Variants in MIR2052HG observed in about 807,000 individuals in gnomAD.
MIR2052HG encodes the protein MIR2052 host gene.
chr8:74,750,163 G>C (rs1453782518), intron 4 of MIR2052HG, among the ~76,000 whole-genome samples: 1 of 152,264 alleles, frequency 6.6e-6, no homozygotes, highest in Non-Finnish European at 1.5e-5. Flanking sequence ...ACAAATTACT[G>C]TCTGATCATT....
Position 74,655,405 on chromosome 8 carries a change from G to T in MIR2052HG, n.216+42465G>T, listed in dbSNP as rs182777859. On this transcript the variant is annotated intron_variant and non_coding_transcript_variant, in intron 2 of 6. Transcript: ENST00000523442. ...GCCTAGGAGGTAAAAATGGTTTTGG[G>T]GACCTGGCCCAGGGTCCCCATGCTG... Among the ~76,000 whole-genome samples the T allele has an allele frequency of 2.4e-3, 360 of 152,214 alleles. 3 individuals are homozygous for T. Among genetic ancestry groups the T allele is most frequent in the African/African-American group, 8.4e-3 (347 of 41,534 alleles).
At position 74,739,887 on chromosome 8, in the gene MIR2052HG, G is replaced by A. The variant is rs190547896; in HGVS notation, n.372-12554G>A. 1.2e-3 allele frequency among the ~76,000 whole-genome samples: 186 copies of A among 152,208 alleles called. 1 individual carries two copies. The highest frequency in any genetic ancestry group is 4.0e-3 in the African/African-American group (166 of 41,528). ...CTATTTATCTAAAAATGTTCAGGGA[G>A]GGGAATAGTATGAGATCAGCAGGTT... On this transcript the variant is annotated intron_variant and non_coding_transcript_variant, in intron 4 of 6. Transcript: ENST00000523442.
intron 2 of MIR2052HG, among the ~76,000 whole-genome samples, chr8:74,688,282 T>C (rs1436057313): frequency 1.3e-5 from 2 of 152,254 alleles, no homozygotes; most frequent in African/African-American, 4.8e-5. Context: ...ATATTACTTT[T>C]GTATATATTG....
chr8:74,645,434 T>A (rs984695149), intron 2 of MIR2052HG, among the ~76,000 whole-genome samples: 1 of 152,116 alleles, frequency 6.6e-6, no homozygotes, highest in African/African-American at 2.4e-5. Flanking sequence ...TACAGGCATG[T>A]GCCACCACAC....
At chr8:74,695,679 A>G (rs769204963) in intron 2 of MIR2052HG, among the ~76,000 whole-genome samples, 21 of 152,142 alleles carry the variant, frequency 1.4e-4, no homozygotes, top group Non-Finnish European at 2.5e-4. Flanking sequence ...TCAGAAAAAA[A>G]AAACTTTAAA....
chr8:74,642,600 G>T (rs1487806046), intron 2 of MIR2052HG, among the ~76,000 whole-genome samples: 1 of 152,106 alleles, frequency 6.6e-6, no homozygotes, highest in Non-Finnish European at 1.5e-5. Flanking sequence ...TTATATATTT[G>T]CTAACTGTTG....
intron 2 of MIR2052HG, among the ~76,000 whole-genome samples, chr8:74,692,430 G>A (rs2128740030): frequency 6.6e-6 from 1 of 152,322 alleles, no homozygotes; most frequent in Middle Eastern, 3.4e-3. Context: ...GTTAATAGTA[G>A]TAAGAACAAA....
chr8:74,685,043 T>TA (rs1809165648), intron 2 of MIR2052HG, among the ~76,000 whole-genome samples: 2 of 152,074 alleles, frequency 1.3e-5, no homozygotes, highest in Admixed American at 1.3e-4. Context: ...TCTTTGCCTG[T>TA]AAAATGAGGA....
At chr8:74,650,996 C>G (rs1563523037) in intron 2 of MIR2052HG, among the ~76,000 whole-genome samples, 1 of 152,124 alleles carries the variant, frequency 6.6e-6, no homozygotes. Context: ...TTATTGCACT[C>G]TGTGTCATCT....
chr8:74,615,315 G>A (rs1808264206), intron 2 of MIR2052HG, among the ~76,000 whole-genome samples: 2 of 152,184 alleles, frequency 1.3e-5, no homozygotes, highest in African/African-American at 4.8e-5. Context: ...GTCATCCTGA[G>A]AGTAGCTCAT....
rs1808068114 is a variant in MIR2052HG, at chr8:74,603,981, G to C, written n.128+4073G>C. 11 of 962,438 alleles carry C rather than the reference G, an allele frequency of 1.1e-5. No individual in the cohort carries two copies. In the South Asian group the frequency reaches 1.4e-4, roughly 12 times the overall value. The allele number at this position is 962,438 out of a possible 1,614,324, so 59.6% of individuals were successfully genotyped here. On this transcript the variant is annotated intron_variant and non_coding_transcript_variant, in intron 1 of 6. Coordinates refer to ENST00000523442, the Ensembl canonical transcript of MIR2052HG. ...GGGGTCTAGTGGCAGCTGTGCTACT[G>C]GTCATAGAGCTGCTTATGTCCTCTT... is the stretch of plus-strand genomic sequence containing the variant.
At chr8:74,716,640 G>T (rs1382851110) in intron 4 of MIR2052HG, among the ~76,000 whole-genome samples, 1 of 152,104 alleles carries the variant, frequency 6.6e-6, no homozygotes, top group Non-Finnish European at 1.5e-5. Flanking sequence ...AACCTGGGAG[G>T]TGGAGGTTGC....
chr8:74,607,174 C>T (rs1448544754), intron 1 of MIR2052HG, among the ~76,000 whole-genome samples: 1 of 150,686 alleles, frequency 6.6e-6, no homozygotes, highest in Non-Finnish European at 1.5e-5. Flanking sequence ...GCTGGAGTGG[C>T]TATATTAATA....
At chr8:74,677,113 T>G (rs1338402891) in intron 2 of MIR2052HG, among the ~76,000 whole-genome samples, 1 of 151,954 alleles carries the variant, frequency 6.6e-6, no homozygotes, top group African/African-American at 2.4e-5. Flanking sequence ...AAAAGATGAT[T>G]AAATAATGTT....
At position 74,646,811 on chromosome 8, in the gene MIR2052HG, C is replaced by T. The variant is rs113338005; in HGVS notation, n.216+33871C>T. 1.5e-3 allele frequency among the ~76,000 whole-genome samples: 234 copies of T among 152,126 alleles called. 1 individual carries two copies. Among genetic ancestry groups the T allele is most frequent in the Non-Finnish European group, 2.0e-3 (133 of 67,998 alleles). Reference sequence around the variant, plus strand: ...GGTGTGCTGGTACATTCCTGAATCCCCAGCTCCCCAGGAGGCTGAGGTGGG... The same window carrying T: ...GGTGTGCTGGTACATTCCTGAATCCTCAGCTCCCCAGGAGGCTGAGGTGGG... On this transcript the variant is annotated intron_variant and non_coding_transcript_variant, in intron 2 of 6. Coordinates refer to ENST00000523442, the Ensembl canonical transcript of MIR2052HG.
In MIR2052HG at chr8:74,609,100, G is replaced by A. The variant is rs1808153783; in HGVS notation, n.129-3753G>A. On this transcript the variant is annotated intron_variant and non_coding_transcript_variant, in intron 1 of 6. Coordinates refer to ENST00000523442, the Ensembl canonical transcript of MIR2052HG. ...GTAAATATGCAAATTACCAGTGTCA[G>A]GAATAAGATATGTGACATCACTAAA... is the stretch of plus-strand genomic sequence containing the variant. 4.6e-5 allele frequency among the ~76,000 whole-genome samples: 7 copies of A among 152,026 alleles called. No individual in the cohort carries two copies. The South Asian group carries it at 1.5e-3, about 32-fold the overall frequency.
intron 2 of MIR2052HG, among the ~76,000 whole-genome samples, chr8:74,646,075 C>A (rs1328968657): frequency 6.9e-6 from 1 of 145,866 alleles, no homozygotes; most frequent in Admixed American, 6.7e-5. Flanking sequence ...TTAAGAGTGG[C>A]AGGGTCTTTG....
chr8:74,702,311 A>G (rs899990687), intron 2 of MIR2052HG: 4 of 352,808 alleles, frequency 1.1e-5, no homozygotes, highest in Non-Finnish European at 2.4e-5. Flanking sequence ...GTTATATTGG[A>G]TGATATCAAA....
chr8:74,692,536 A>G (rs1056496703), intron 2 of MIR2052HG, among the ~76,000 whole-genome samples: 1 of 152,212 alleles, frequency 6.6e-6, no homozygotes, highest in Non-Finnish European at 1.5e-5. Flanking sequence ...AATTATTTGT[A>G]TATCAAATAC....
Sources: allele counts gnomAD v4.1 joint callset (sites outside exome capture counted in the v4.1 genomes callset), GRCh38; gene constraint gnomAD v4.1.1; transcripts MANE v1.5; gene names NCBI Gene and HGNC (gene_info 2026-07-23, HGNC 2026-07-21).